AGAP1: variants seen among roughly 807,000 people sequenced by gnomAD.
AGAP1 encodes arf-GAP with GTPase, ANK repeat and PH domain-containing protein 1.
Under a neutral mutation model 105.3 loss-of-function variants are expected in AGAP1, and 29 were observed. The observed-to-expected ratio is 0.28, with a 90% CI of 0.21 to 0.38. AGAP1 has a LOEUF of 0.38. Ranked by LOEUF, AGAP1 falls within the 10% of genes least tolerant of loss-of-function variation. The pLI, the probability that AGAP1 is intolerant of heterozygous loss-of-function variation, is 1.00. For synonymous variants in AGAP1, 509 were observed against 485.9 expected, an observed-to-expected ratio of 1.05 and a Z score of -0.63; for missense variants, 998 against 1,165.1, an observed-to-expected ratio of 0.86 and a Z score of 2.09.
At chr2:235,876,573 G>T (rs552058122) in intron 9 of AGAP1, among the ~76,000 whole-genome samples, 73 of 152,256 alleles carry the variant, frequency 4.8e-4, no homozygotes, top group African/African-American at 1.7e-3. Context: ...GTGCTGTGTG[G>T]CTGATACCAA....
At chr2:235,932,628 G>A (rs1261515332) in intron 12 of AGAP1, among the ~76,000 whole-genome samples, 2 of 152,166 alleles carry the variant, frequency 1.3e-5, no homozygotes, top group African/African-American at 4.8e-5. Flanking sequence ...AGTGAGAGTA[G>A]TCTAGGTGCC....
chr2:235,948,614 T>G (rs890750398), intron 12 of AGAP1, among the ~76,000 whole-genome samples: 20 of 152,182 alleles, frequency 1.3e-4, no homozygotes, highest in African/African-American at 3.9e-4. Flanking sequence ...AAACTTTAAT[T>G]TAAAAAGTGA....
At chr2:235,910,189 G>A (rs1193669404) in intron 11 of AGAP1, among the ~76,000 whole-genome samples, 1 of 5,758 alleles carries the variant, frequency 1.7e-4, no homozygotes, top group Admixed American at 2.2e-3. Context: ...TTCAAATTTG[G>A]GTCCACCATC....
rs1393457704 is a variant in AGAP1 at position 235,719,876 on chromosome 2, G to A, written c.310+2232G>A. On this transcript the variant is annotated intron_variant, in intron 3 of 17. Transcript: ENST00000304032. The surrounding 1 kb of genome is among the most constrained non-coding windows in gnomAD (Gnocchi z 4.9). ...GGGTGTGTGTCTAGGGCCCCTGGGTGCTGAAAGAATTATGAATACATGGCT... is the reference window on the plus strand; with the variant it reads ...GGGTGTGTGTCTAGGGCCCCTGGGTACTGAAAGAATTATGAATACATGGCT... 6.6e-6 allele frequency among the ~76,000 whole-genome samples: 1 copy of A among 152,190 alleles called. No individual in the cohort carries two copies. The highest frequency in any genetic ancestry group is 1.5e-5 in the Non-Finnish European group (1 of 68,034).
chr2:235,785,893 A>G (rs1240832072), intron 6 of AGAP1, among the ~76,000 whole-genome samples: 1 of 143,010 alleles, frequency 7.0e-6, no homozygotes, highest in Non-Finnish European at 1.6e-5. Flanking sequence ...TTGTAACCCC[A>G]AATTTGGGCC....
chr2:235,858,600 A>T (rs1325517740), intron 9 of AGAP1, among the ~76,000 whole-genome samples: 2 of 152,220 alleles, frequency 1.3e-5, no homozygotes, highest in East Asian at 3.9e-4. Context: ...ATAAAAAAAA[A>T]TATGAACTAG....
rs911473629 is a variant in AGAP1, at chr2:235,535,809, C to T, written c.163+40960C>T. ...AGTCTCTGCATAGCCCGGCAGGCAG[C>T]GGCTCTGCTTTCCAGAACCTTCTGG... On this transcript the variant is annotated intron_variant, in intron 1 of 17. Transcript: ENST00000304032. The surrounding 1 kb of genome is among the most constrained non-coding windows in gnomAD (Gnocchi z 5.1). 1.3e-5 allele frequency among the ~76,000 whole-genome samples: 2 copies of T among 152,046 alleles called. No individual in the cohort carries two copies. Among genetic ancestry groups the T allele is most frequent in the Non-Finnish European group, 2.9e-5 (2 of 68,028 alleles).
intron 2 of AGAP1, among the ~76,000 whole-genome samples, chr2:235,710,336 T>A (rs1488091240): frequency 6.6e-6 from 1 of 152,252 alleles, no homozygotes; most frequent in Non-Finnish European, 1.5e-5. Context: ...GAAAAGTATT[T>A]GTTTTTAAAC....
In AGAP1 at chr2:236,061,346, C is replaced by G. The variant is rs2058189575; in HGVS notation, c.2114+12065C>G. On this transcript the variant is annotated intron_variant, in intron 16 of 17. Coordinates refer to ENST00000304032, the MANE Select transcript of AGAP1 (RefSeq NM_001037131.3). This position sits in a 1 kb window ranked among gnomAD's most constrained non-coding sequence, Gnocchi z 4.1. ...CCGTATGACCCAGCCATTCCTCCCCCAGGTCTATACCTAAGATAAATGAAA... is the reference window on the plus strand; with the variant it reads ...CCGTATGACCCAGCCATTCCTCCCCGAGGTCTATACCTAAGATAAATGAAA... 6.6e-6 allele frequency among the ~76,000 whole-genome samples: 1 copy of G among 152,150 alleles called. No individual in the cohort carries two copies. The highest frequency in any genetic ancestry group is 6.5e-5 in the Admixed American group (1 of 15,278).
At position 235,610,598 on chromosome 2, in the gene AGAP1, C is replaced by T. The variant is rs1354821773; in HGVS notation, c.164-98581C>T. The stretch of plus-strand genomic sequence containing the variant: ...CCCTAATTACCTTCCAAAGATCCCA[C>T]CTCAGATACCATCGCATTGGGGGTT... On this transcript the variant is annotated intron_variant, in intron 1 of 17. Transcript: ENST00000304032. This position sits in a 1 kb window ranked among gnomAD's most constrained non-coding sequence, Gnocchi z 4.9. Among the ~76,000 whole-genome samples, 2 of 152,186 alleles carry T rather than the reference C, an allele frequency of 1.3e-5. No individual in the cohort carries two copies. Among genetic ancestry groups the T allele is most frequent in the African/African-American group, 4.8e-5 (2 of 41,436 alleles).
At chr2:235,948,458 A>G (rs1042235552) in intron 12 of AGAP1, among the ~76,000 whole-genome samples, 4 of 152,190 alleles carry the variant, frequency 2.6e-5, no homozygotes, top group African/African-American at 7.2e-5. Context: ...GTCTCCTGGC[A>G]TTATAGACGT....
rs1180315902 is a variant in AGAP1, at chr2:236,000,342, G to A, written c.1645+31719G>A. ...AAACAAAGTTATTTGAGGACCTGCT[G>A]TACACAGTTTTGCTTAAAGTCACAC... On this transcript the variant is annotated intron_variant, in intron 13 of 17. Coordinates refer to ENST00000304032, the MANE Select transcript of AGAP1 (RefSeq NM_001037131.3). This position sits in a 1 kb window ranked among gnomAD's most constrained non-coding sequence, Gnocchi z 4.3. Among the ~76,000 whole-genome samples the A allele has an allele frequency of 6.6e-6, 1 of 152,220 alleles. No homozygotes were observed. Among genetic ancestry groups the A allele is most frequent in the Non-Finnish European group, 1.5e-5 (1 of 68,042 alleles).
intron 1 of AGAP1, among the ~76,000 whole-genome samples, chr2:235,661,542 C>A (rs1947954490): frequency 6.9e-6 from 1 of 144,042 alleles, no homozygotes; most frequent in South Asian, 2.1e-4. Flanking sequence ...GGTGGGGGGG[C>A]TGTAGGATGC....
At chr2:235,817,804 T>C (rs1958542967) in intron 9 of AGAP1, among the ~76,000 whole-genome samples, 1 of 152,124 alleles carries the variant, frequency 6.6e-6, no homozygotes. Flanking sequence ...GGCAGGAGAA[T>C]CGCTTGAACC....
chr2:235,516,887 A>G (rs1942413039), intron 1 of AGAP1, among the ~76,000 whole-genome samples: 1 of 152,194 alleles, frequency 6.6e-6, no homozygotes, highest in Middle Eastern at 3.2e-3. Context: ...TGCCCTCTGC[A>G]AACAGCCATG....
intron 1 of AGAP1, among the ~76,000 whole-genome samples, chr2:235,680,407 C>T (rs903655677): frequency 6.6e-6 from 1 of 152,068 alleles, no homozygotes; most frequent in Non-Finnish European, 1.5e-5. Flanking sequence ...CTGCAGCCCC[C>T]TCTAGAAGCT....
chr2:235,496,879 G>C (rs368740567), intron 1 of AGAP1, among the ~76,000 whole-genome samples: 1 of 152,066 alleles, frequency 6.6e-6, no homozygotes, highest in South Asian at 2.1e-4. Context: ...TTTTAATAAG[G>C]CTTAGAATCA....
chr2:235,759,993 C>T (rs551245708), intron 6 of AGAP1, among the ~76,000 whole-genome samples: 91 of 152,168 alleles, frequency 6.0e-4, no homozygotes, highest in Non-Finnish European at 9.6e-4. Flanking sequence ...TTCTTACCCT[C>T]ATGAAGCTAT....
At chr2:235,804,691 G>A (rs1957752088) in intron 8 of AGAP1, among the ~76,000 whole-genome samples, 1 of 152,218 alleles carries the variant, frequency 6.6e-6, no homozygotes, top group Non-Finnish European at 1.5e-5. Flanking sequence ...GTGATAATTG[G>A]ATTACCTTAA....
Sources: gnomAD v4.1 joint callset for allele counts (sites outside exome capture counted in the v4.1 genomes callset) on GRCh38, gnomAD v4.1.1 for gene constraint, Gnocchi (gnomAD v3.1) non-coding constraint, MANE v1.5 for transcripts, NCBI Gene and HGNC (gene_info 2026-07-23, HGNC 2026-07-21) for gene names.